Variants in JADE1 observed in about 807,000 individuals in gnomAD.
JADE1 encodes jade family PHD finger 1.
A neutral mutation model predicts 81.8 loss-of-function variants in JADE1; 14 were observed. The observed-to-expected ratio is 0.17, with a 90% CI of 0.11 to 0.27. The LOEUF (loss-of-function observed/expected upper bound fraction) is 0.27. Among genes scored for constraint, JADE1 ranks in the 10% least tolerant of loss-of-function variants. The pLI is 1.00. For missense variants in JADE1, 690 were observed against 1,047.9 expected, an observed-to-expected ratio of 0.66 and a Z score of 4.71; for synonymous variants, 353 against 391.9, an observed-to-expected ratio of 0.90 and a Z score of 1.17.
intron 2 of JADE1, among the ~76,000 whole-genome samples, chr4:128,842,004 G>A (rs989979158): frequency 6.6e-6 from 1 of 152,182 alleles, no homozygotes; most frequent in Non-Finnish European, 1.5e-5. Context: ...CAGATGATAG[G>A]AGTAGACCCC....
At chr4:128,812,347 G>A (rs1212915238) in intron 1 of JADE1, among the ~76,000 whole-genome samples, 1 of 151,508 alleles carries the variant, frequency 6.6e-6, no homozygotes, top group Non-Finnish European at 1.5e-5. Flanking sequence ...TCGGCGCCGC[G>A]CGGAACCGCG....
chr4:128,862,437 GGT>G, intron 9 of JADE1: 6 of 1,366,022 alleles, frequency 4.4e-6, no homozygotes, highest in East Asian at 5.5e-5. Flanking sequence ...GCTTCTTTGT[GGT>G]TTTTTTTTTT....
At chr4:128,825,294 C>T (rs1170305640) in intron 1 of JADE1, among the ~76,000 whole-genome samples, 1 of 152,214 alleles carries the variant, frequency 6.6e-6, no homozygotes, top group Non-Finnish European at 1.5e-5. Context: ...CCTGCCTCGG[C>T]CTCCCCAAGT....
rs201317008 is a variant in JADE1 at position 128,862,909 on chromosome 4, TGTG to T, written c.1503+685_1503+687del. ...ATCACTGAGGCTGTGTGTGTGTGTG[TGTG>T]TGCGCGTGCCCGTGTCCATCCATGT... On this transcript the variant is annotated intron_variant, in intron 9 of 10. Coordinates refer to ENST00000226319, the MANE Select transcript of JADE1 (RefSeq NM_199320.4). 3.3e-4 allele frequency: 328 copies of T among 987,326 alleles called. 2 individuals are homozygous for T. The East Asian group carries it at 0.013, about 39-fold the overall frequency. The allele number at this position is 987,326 out of a possible 1,614,324, so 61.2% of individuals were successfully genotyped here. A position where few individuals can be genotyped will look rare whatever the true frequency, so the allele number is the denominator to read the frequency against.
intron 2 of JADE1, among the ~76,000 whole-genome samples, chr4:128,840,741 A>G (rs1205212950): frequency 3.9e-5 from 6 of 152,266 alleles, no homozygotes; most frequent in Non-Finnish European, 8.8e-5. Context: ...CAGTGTGCCC[A>G]GAATATTTCT....
At chr4:128,821,175 A>T (rs1727533655) in intron 1 of JADE1, among the ~76,000 whole-genome samples, 1 of 152,234 alleles carries the variant, frequency 6.6e-6, no homozygotes, top group Non-Finnish European at 1.5e-5. Flanking sequence ...TTTAAAAAAT[A>T]AACATTTCAT....
chr4:128,811,330 C>A (rs975098242), intron 1 of JADE1: 4 of 152,216 alleles, frequency 2.6e-5, no homozygotes, highest in African/African-American at 9.7e-5. Context: ...AGGTGCACGG[C>A]ACCCGCCAGT....
At chr4:128,858,701 C>T (rs1214000150) in intron 8 of JADE1, among the ~76,000 whole-genome samples, 2 of 151,390 alleles carry the variant, frequency 1.3e-5, no homozygotes, top group Non-Finnish European at 2.9e-5. Flanking sequence ...CTCCCGGGTT[C>T]AGGCGATTCT....
chr4:128,870,043 G>C (rs1732074162), intron 10 of JADE1, among the ~76,000 whole-genome samples: 1 of 152,082 alleles, frequency 6.6e-6, no homozygotes, highest in Non-Finnish European at 1.5e-5. Flanking sequence ...GGGGGTGGGA[G>C]GGTCATGAGT....
At position 128,846,433 on chromosome 4, in the gene JADE1, C is replaced by T. The variant is rs759775725; in HGVS notation, c.197C>T (p.Pro66Leu). 7 of 1,614,110 alleles carry T rather than the reference C, an allele frequency of 4.3e-6. No individual in the cohort carries two copies. Among genetic ancestry groups the T allele is most frequent in the South Asian group, 3.3e-5 (3 of 91,078 alleles). Residue 66 changes from proline to leucine, a missense_variant, in exon 4 of 11, where the codon CCG (proline) becomes CTG (leucine). Coordinates refer to ENST00000226319, the MANE Select transcript of JADE1 (RefSeq NM_199320.4). The surrounding 1 kb of genome is among the most constrained non-coding windows in gnomAD (Gnocchi z 4.0). ...MKLHDSYQLNPDEYYVLADPW... is the reference protein window; with the variant it reads ...MKLHDSYQLNLDEYYVLADPW... ...TTGCATGACTCCTACCAGCTGAATC[C>T]GGATGAGTACTATGTGTTGGCAGAT...
At chr4:128,839,338 A>G in intron 2 of JADE1, among the ~76,000 whole-genome samples, 1 of 152,228 alleles carries the variant, frequency 6.6e-6, no homozygotes. Context: ...GTTCATCAGC[A>G]AAGTCTAGGT....
At chr4:128,816,253 TTTAG>T (rs1348639891) in intron 1 of JADE1, 1 of 152,204 alleles carries the variant, frequency 6.6e-6, no homozygotes, top group Non-Finnish European at 1.5e-5. Context: ...GAAGTTGAGA[TTTAG>T]TTGAGTCTAT....
In JADE1 at chr4:128,871,832, C is replaced by T. The variant is rs1374703571; in HGVS notation, c.2099C>T (p.Ala700Val). The T allele has an allele frequency of 1.9e-6, 3 of 1,614,104 alleles. No homozygotes were observed. The highest frequency in any genetic ancestry group is 1.6e-4 in the Middle Eastern group (1 of 6,062). The change falls in exon 11 of 11, where the codon GCT becomes GTT. Residue 700 changes from alanine (A) to valine (V), a missense_variant. By Grantham distance (64) the Ala-to-Val change is moderately conservative. Transcript: ENST00000226319. This position sits in a 1 kb window ranked among gnomAD's most constrained non-coding sequence, Gnocchi z 4.1. The part of the protein sequence containing the change: ...VSQRHLDNTR[A>V]ATSPGVGQSA... ...CAGAGGCATCTGGACAACACAAGAGCTGCCACCTCCCCTGGAGTGGGGCAG... is the reference window on the plus strand; with the variant it reads ...CAGAGGCATCTGGACAACACAAGAGTTGCCACCTCCCCTGGAGTGGGGCAG...
intron 2 of JADE1, among the ~76,000 whole-genome samples, chr4:128,840,262 G>A (rs545376749): frequency 6.6e-6 from 1 of 152,310 alleles, no homozygotes; most frequent in South Asian, 2.1e-4. Context: ...CAGATCCTCA[G>A]GAAGAGACAA....
intron 2 of JADE1, among the ~76,000 whole-genome samples, chr4:128,841,082 G>A (rs1025319349): frequency 1.3e-5 from 2 of 152,214 alleles, no homozygotes; most frequent in African/African-American, 4.8e-5. Flanking sequence ...TTGATTCTCT[G>A]TTCCTGTCTC....
chr4:128,858,324 T>C (rs1020729659), intron 8 of JADE1, among the ~76,000 whole-genome samples: 3 of 152,130 alleles, frequency 2.0e-5, no homozygotes, highest in African/African-American at 7.2e-5. Flanking sequence ...TAGAGAGGCC[T>C]GCAGTGCTGT....
chr4:128,842,899 C>T lies in JADE1; in HGVS notation c.53-54C>T, dbSNP rs956442725. 7.2e-6 allele frequency: 11 copies of T among 1,517,398 alleles called. No homozygotes were observed. The South Asian group carries it at 1.1e-4, about 16-fold the overall frequency. The allele number at this position is 1,517,398 out of a possible 1,614,324, so 94.0% of individuals were successfully genotyped here. On this transcript the variant is annotated intron_variant, in intron 2 of 10. Transcript: ENST00000226319. ...TTGGGTAAGAAAACCCCTGAGAACA[C>T]TCAGTGACCCCTGCAATTTCTAATG...
intron 8 of JADE1, among the ~76,000 whole-genome samples, chr4:128,858,090 C>T (rs1560769383): frequency 1.3e-5 from 2 of 151,006 alleles, no homozygotes; most frequent in Non-Finnish European, 3.0e-5. Context: ...CGCGCATGCA[C>T]GTGTGTGTGT....
chr4:128,848,691 G>T (rs1264570594), intron 4 of JADE1, among the ~76,000 whole-genome samples: 3 of 152,250 alleles, frequency 2.0e-5, no homozygotes, highest in Non-Finnish European at 4.4e-5. Context: ...GTGTGTTTTG[G>T]TGTTGGCTGC....
Sources: gnomAD v4.1 joint callset for allele counts (sites outside exome capture counted in the v4.1 genomes callset) on GRCh38, gnomAD v4.1.1 for gene constraint, Gnocchi (gnomAD v3.1) non-coding constraint, MANE v1.5 for transcripts, NCBI Gene and HGNC (gene_info 2026-07-23, HGNC 2026-07-21) for gene names.